SNAPC3: variants seen among roughly 807,000 people sequenced by gnomAD.
SNAPC3 encodes snRNA-activating protein complex subunit 3.
Under a neutral mutation model 47.7 loss-of-function variants are expected in SNAPC3, and 56 were observed. The ratio of observed to expected loss-of-function variants is 1.18; its 90% CI spans 0.95 to 1.47. SNAPC3 has a LOEUF of 1.47. Ranked by LOEUF, SNAPC3 falls within the 40% of genes most tolerant of loss-of-function variation. The pLI is 0.00. For missense variants in SNAPC3, 665 were observed against 511.3 expected, an observed-to-expected ratio of 1.30 and a Z score of -2.90; for synonymous variants, 235 against 189.9, an observed-to-expected ratio of 1.24 and a Z score of -1.95.
intron 7 of SNAPC3, among the ~76,000 whole-genome samples, chr9:15,454,912 T>C (rs759284044): frequency 3.3e-5 from 5 of 152,096 alleles, no homozygotes; most frequent in Non-Finnish European, 2.9e-5. Flanking sequence ...CCAGCTTGGG[T>C]GACAGAGCAA....
chr9:15,459,911 C>A lies in SNAPC3; in HGVS notation c.*45C>A. 1 of 1,551,578 alleles carries A rather than the reference C, an allele frequency of 6.4e-7. No homozygotes were observed. Among genetic ancestry groups the A allele is most frequent in the Non-Finnish European group, 8.8e-7 (1 of 1,134,050 alleles). On this transcript the variant is annotated 3_prime_UTR_variant, in exon 9 of 9. Coordinates refer to ENST00000380821, the MANE Select transcript of SNAPC3 (RefSeq NM_001039697.2). Reference sequence around the variant, plus strand: ...AATACCCCCTCATGAAATAACTGTTCTCTTGGATGGTTACCTTATTTCTAA... The same window carrying A: ...AATACCCCCTCATGAAATAACTGTTATCTTGGATGGTTACCTTATTTCTAA...
At chr9:15,430,359 G>T (rs2031982072) in intron 2 of SNAPC3, among the ~76,000 whole-genome samples, 1 of 152,132 alleles carries the variant, frequency 6.6e-6, no homozygotes, top group South Asian at 2.1e-4. Context: ...TTGAGCCTAG[G>T]AGATTGAGGC....
At chr9:15,465,326 T>C (rs561222997), downstream of SNAPC3, 6 of 524,722 alleles carry the variant, frequency 1.1e-5, no homozygotes, top group African/African-American at 8.0e-5. Flanking sequence ...TACTGTATAA[T>C]GTAGCTGTTA....
chr9:15,446,824 T>C (rs1411555625), intron 4 of SNAPC3, among the ~76,000 whole-genome samples: 5 of 151,974 alleles, frequency 3.3e-5, no homozygotes, highest in Non-Finnish European at 7.4e-5. Flanking sequence ...CCTGGGTGGA[T>C]TGAGGTTGAG....
At chr9:15,443,082 A>G (rs2033631231) in intron 3 of SNAPC3, among the ~76,000 whole-genome samples, 1 of 152,278 alleles carries the variant, frequency 6.6e-6, no homozygotes, top group South Asian at 2.1e-4. Context: ...GAGGCAGGAG[A>G]ATCAGGCAGG....
intron 8 of SNAPC3, among the ~76,000 whole-genome samples, chr9:15,459,447 A>G (rs559674939): frequency 1.3e-5 from 2 of 152,304 alleles, no homozygotes; most frequent in Non-Finnish European, 2.9e-5. Context: ...GATGCTTTCA[A>G]ATAGATTTAT....
intron 7 of SNAPC3, among the ~76,000 whole-genome samples, chr9:15,454,877 T>A (rs2034658849): frequency 6.6e-6 from 1 of 152,146 alleles, no homozygotes; most frequent in African/African-American, 2.4e-5. Context: ...GAGCATGCAG[T>A]GAGCTGAGAT....
chr9:15,463,339 C>T (rs1359532419), downstream of SNAPC3: 1 of 150,128 alleles, frequency 6.7e-6, no homozygotes, highest in East Asian at 2.0e-4. Context: ...ATTCTCCTGC[C>T]TCAGCCTCCC....
intron 5 of SNAPC3, among the ~76,000 whole-genome samples, chr9:15,447,918 G>A (rs1036484836): frequency 6.6e-6 from 1 of 152,162 alleles, no homozygotes; most frequent in Admixed American, 6.5e-5. Flanking sequence ...GATAAGGATG[G>A]AAAGAAGCAG....
At chr9:15,439,376 C>G (rs1043984562) in intron 3 of SNAPC3, among the ~76,000 whole-genome samples, 3 of 152,006 alleles carry the variant, frequency 2.0e-5, no homozygotes, top group Admixed American at 1.3e-4. Flanking sequence ...CCTTCTTTGT[C>G]TATTGAAACC....
At chr9:15,440,372 A>G (rs1243955070) in intron 3 of SNAPC3, among the ~76,000 whole-genome samples, 2 of 152,236 alleles carry the variant, frequency 1.3e-5, no homozygotes, top group Non-Finnish European at 2.9e-5. Flanking sequence ...GTCTGCTGGT[A>G]GTAATTAATT....
intron 2 of SNAPC3, among the ~76,000 whole-genome samples, chr9:15,431,578 A>G (rs1013990700): frequency 5.3e-5 from 8 of 152,164 alleles, no homozygotes; most frequent in Admixed American, 5.2e-4. Flanking sequence ...AGGACAAACC[A>G]AAACTATAGA....
chr9:15,458,955 A>C (rs1406372025), intron 8 of SNAPC3, among the ~76,000 whole-genome samples: 1 of 152,212 alleles, frequency 6.6e-6, no homozygotes, highest in East Asian at 1.9e-4. Flanking sequence ...AATATATTTA[A>C]AAATCTGAAA....
intron 5 of SNAPC3, among the ~76,000 whole-genome samples, chr9:15,451,100 T>A (rs1399269512): frequency 2.6e-5 from 4 of 152,360 alleles, no homozygotes; most frequent in Admixed American, 2.6e-4. Flanking sequence ...TGATGTTTAT[T>A]TGATTTCTAA....
At chr9:15,442,646 A>T (rs2033570493) in intron 3 of SNAPC3, among the ~76,000 whole-genome samples, 1 of 151,490 alleles carries the variant, frequency 6.6e-6, no homozygotes, top group Non-Finnish European at 1.5e-5. Context: ...CACTTCCTAG[A>T]CGAGATGGCG....
rs1308554160 is a variant in SNAPC3 at position 15,429,174 on chromosome 9, G to A, written c.393-4378G>A. ...ACATGTTGAAAAACTGACATACAAA[G>A]CAAGGCAACATAGAGCAGTGTTTTT... On this transcript the variant is annotated intron_variant, in intron 2 of 8. Coordinates refer to ENST00000380821, the MANE Select transcript of SNAPC3 (RefSeq NM_001039697.2). 2.6e-5 allele frequency among the ~76,000 whole-genome samples: 4 copies of A among 151,924 alleles called. No individual in the cohort carries two copies. The East Asian group carries it at 7.7e-4, about 29-fold the overall frequency.
intron 7 of SNAPC3, 97 bp downstream of exon 7, chr9:15,453,302 A>G: frequency 1.1e-6 from 1 of 950,636 alleles, no homozygotes; most frequent in Non-Finnish European, 1.5e-6. Flanking sequence ...GAGGAGTAAA[A>G]GTAATAACCA....
chr9:15,456,354 C>T (rs1255861021), intron 7 of SNAPC3, among the ~76,000 whole-genome samples: 4 of 152,178 alleles, frequency 2.6e-5, no homozygotes, highest in Middle Eastern at 3.4e-3. Flanking sequence ...CTATAAACAA[C>T]GTGATTCCAA....
chr9:15,439,978 T>C (rs1216088086), intron 3 of SNAPC3, among the ~76,000 whole-genome samples: 1 of 152,234 alleles, frequency 6.6e-6, no homozygotes, highest in Non-Finnish European at 1.5e-5. Flanking sequence ...TGATGTATTT[T>C]ATTTATGGGG....
Sources: allele counts gnomAD v4.1 joint callset (sites outside exome capture counted in the v4.1 genomes callset), GRCh38; gene constraint gnomAD v4.1.1; transcripts MANE v1.5; gene names NCBI Gene and HGNC (gene_info 2026-07-23, HGNC 2026-07-21).